The following CTNNA2 variants were observed in gnomAD, a reference collection of about 807,000 sequenced individuals.
CTNNA2 encodes the protein catenin alpha-2.
A neutral mutation model predicts 101.0 loss-of-function variants in CTNNA2; 42 were observed. The observed-to-expected ratio is 0.42, with a 90% CI of 0.32 to 0.54. CTNNA2 has a LOEUF of 0.54. CTNNA2 is among the 20% of genes least tolerant of loss of function. The pLI, the probability that CTNNA2 is intolerant of heterozygous loss-of-function variation, is 0.14. For synonymous variants in CTNNA2, 450 were observed against 456.4 expected, an observed-to-expected ratio of 0.99 and a Z score of 0.18; for missense variants, 871 against 1,223.1, an observed-to-expected ratio of 0.71 and a Z score of 4.29.
chr2:79,431,368 G>T (rs1678657544), intron 4 of CTNNA2, among the ~76,000 whole-genome samples: 1 of 152,138 alleles, frequency 6.6e-6, no homozygotes, highest in African/African-American at 2.4e-5. Context: ...CAACAGCAAA[G>T]GTTGATTGTT....
At chr2:79,751,844 A>G (rs1672069852) in intron 3 of CTNNA2, among the ~76,000 whole-genome samples, 1 of 152,166 alleles carries the variant, frequency 6.6e-6, no homozygotes, top group Non-Finnish European at 1.5e-5. Flanking sequence ...TGTGATCATA[A>G]TATCAAGGGA....
chr2:80,150,782 T>G (rs552583634), intron 7 of CTNNA2, among the ~76,000 whole-genome samples: 1 of 152,324 alleles, frequency 6.6e-6, no homozygotes, highest in African/African-American at 2.4e-5. Context: ...CCCCGTGTGG[T>G]TTCTGAAAAT....
chr2:79,829,663 T>A (rs1678754885), intron 3 of CTNNA2, among the ~76,000 whole-genome samples: 1 of 151,988 alleles, frequency 6.6e-6, no homozygotes, highest in Non-Finnish European at 1.5e-5. Context: ...GAGGAGTGCG[T>A]ATTCCTCGTA....
chr2:79,770,086 G>A (rs72912707), intron 3 of CTNNA2, among the ~76,000 whole-genome samples: 5,506 of 152,260 alleles, frequency 0.036, 323 homozygotes, highest in African/African-American at 0.13. Flanking sequence ...ATGTATGGAG[G>A]CATTTTTGGT....
intron 3 of CTNNA2, among the ~76,000 whole-genome samples, chr2:79,771,772 G>T (rs1183021396): frequency 6.6e-6 from 1 of 151,822 alleles, no homozygotes; most frequent in Non-Finnish European, 1.5e-5. Flanking sequence ...CTCCTGCTGT[G>T]ACCAGTACCA....
At chr2:79,377,873 G>T (rs1677995670) in intron 4 of CTNNA2, among the ~76,000 whole-genome samples, 1 of 152,098 alleles carries the variant, frequency 6.6e-6, no homozygotes, top group African/African-American at 2.4e-5. Context: ...GTTCTGCCAT[G>T]AGTAATACAG....
chr2:79,316,438 T>G (rs1676499514), intron 3 of CTNNA2, among the ~76,000 whole-genome samples: 1 of 152,044 alleles, frequency 6.6e-6, no homozygotes. Context: ...CACATGAATT[T>G]TAGGATTTTC....
At chr2:79,227,827 C>A (rs905962528) in intron 2 of CTNNA2, among the ~76,000 whole-genome samples, 10 of 152,052 alleles carry the variant, frequency 6.6e-5, no homozygotes, top group African/African-American at 2.4e-4. Flanking sequence ...TTACATGATA[C>A]TGAGGTTTGG....
intron 7 of CTNNA2, among the ~76,000 whole-genome samples, chr2:80,249,794 G>T (rs551163042): frequency 1.3e-5 from 2 of 152,042 alleles, no homozygotes; most frequent in Non-Finnish European, 2.9e-5. Flanking sequence ...ATTTCACTAA[G>T]CATCCCATGT....
At chr2:80,519,008 TAGA>T (rs1277359861) in intron 9 of CTNNA2, among the ~76,000 whole-genome samples, 2 of 152,130 alleles carry the variant, frequency 1.3e-5, no homozygotes, top group East Asian at 1.9e-4. Context: ...TGGCATTGCT[TAGA>T]AGAAGGGAAT....
chr2:79,612,611 G>C (rs1466735620), intron 1 of CTNNA2, among the ~76,000 whole-genome samples: 1 of 152,008 alleles, frequency 6.6e-6, no homozygotes, highest in East Asian at 1.9e-4. Context: ...TTGTTTTGGG[G>C]AAAAAAATTC....
At chr2:80,192,159 A>G (rs1706547242) in intron 7 of CTNNA2, among the ~76,000 whole-genome samples, 1 of 152,252 alleles carries the variant, frequency 6.6e-6, no homozygotes, top group South Asian at 2.1e-4. Flanking sequence ...AGGAACTCTG[A>G]TCTAACCATC....
At chr2:79,763,480 C>T (rs369646304) in intron 3 of CTNNA2, among the ~76,000 whole-genome samples, 37 of 152,048 alleles carry the variant, frequency 2.4e-4, no homozygotes, top group African/African-American at 6.5e-4. Flanking sequence ...CCTTGACAAT[C>T]GGTATTGTCT....
chr2:80,247,538 T>TC (rs1376696664), intron 7 of CTNNA2, among the ~76,000 whole-genome samples: 1 of 152,184 alleles, frequency 6.6e-6, no homozygotes. Context: ...CGGTAGCTTA[T>TC]CTCCAACAAG....
intron 18 of CTNNA2, among the ~76,000 whole-genome samples, chr2:80,642,634 T>C (rs1048763930): frequency 1.3e-5 from 2 of 152,092 alleles, no homozygotes; most frequent in African/African-American, 4.8e-5. Flanking sequence ...GCAGTCGAAT[T>C]CTGTTTCTGT....
At chr2:80,288,071 C>T (rs918573510) in intron 7 of CTNNA2, among the ~76,000 whole-genome samples, 1 of 152,074 alleles carries the variant, frequency 6.6e-6, no homozygotes, top group Non-Finnish European at 1.5e-5. Context: ...ACCTCAAAAC[C>T]CATTTTTGGG....
chr2:80,230,258 T>C (rs1451841278), intron 7 of CTNNA2, among the ~76,000 whole-genome samples: 1 of 112,330 alleles, frequency 8.9e-6, no homozygotes, highest in African/African-American at 4.1e-5. Context: ...TTTTTTTTCT[T>C]TGTTTTTTTT....
At chr2:80,368,831 A>ATG (rs1191896288) in intron 7 of CTNNA2, among the ~76,000 whole-genome samples, 4 of 143,906 alleles carry the variant, frequency 2.8e-5, no homozygotes, top group African/African-American at 5.5e-5. Context: ...GTATATATAT[A>ATG]TGTGTGTGTG....
At position 79,521,146 on chromosome 2, in the gene CTNNA2, AT is replaced by A. The variant is rs1558695168; in HGVS notation, c.-6+7940del. ...TATATATATATATATATATATATAT[AT>A]ATATATATATATATATATATAAATT... On this transcript the variant is annotated intron_variant, in intron 1 of 18. Coordinates refer to ENST00000402739, the MANE Select transcript of CTNNA2 (RefSeq NM_001282597.3). Among the ~76,000 whole-genome samples, 18 of 40,788 alleles carry A rather than the reference AT, an allele frequency of 4.4e-4. 1 individual carries two copies. Among genetic ancestry groups the A allele is most frequent in the Middle Eastern group, 0.014 (1 of 70 alleles). 26.8% of individuals were successfully genotyped at this position (40,788 alleles called of 152,430 possible). A position where few individuals can be genotyped will look rare whatever the true frequency, so the allele number is the denominator to read the frequency against.
Sources: allele counts gnomAD v4.1 joint callset (sites outside exome capture counted in the v4.1 genomes callset), GRCh38; gene constraint gnomAD v4.1.1; transcripts MANE v1.5; gene names NCBI Gene and HGNC (gene_info 2026-07-23, HGNC 2026-07-21).